Variants in EIF2AK2 observed in about 807,000 individuals in gnomAD.
The protein encoded by EIF2AK2 is eukaryotic translation initiation factor 2 alpha kinase 2, also known as interferon-induced, double-stranded RNA-activated protein kinase.
EIF2AK2 carries 40 observed loss-of-function variants against 70.5 expected under a neutral mutation model. The ratio of observed to expected loss-of-function variants is 0.57; its 90% CI spans 0.44 to 0.74. The LOEUF (loss-of-function observed/expected upper bound fraction) is 0.74, where lower values mean the gene tolerates loss of function less well. Among genes scored for constraint, EIF2AK2 ranks in the 30% least tolerant of loss-of-function variants. The pLI, the probability that EIF2AK2 is intolerant of heterozygous loss-of-function variation, is 0.00. For synonymous variants in EIF2AK2, 198 were observed against 220.9 expected (o/e 0.90, Z 0.92); for missense variants, 555 against 644.3 (o/e 0.86, Z 1.50).
At chr2:37,112,589 C>T (rs1164164021) in intron 14 of EIF2AK2, among the ~76,000 whole-genome samples, 1 of 152,114 alleles carries the variant, frequency 6.6e-6, no homozygotes, top group African/African-American at 2.4e-5. Flanking sequence ...GTGGCAGGTC[C>T]TGCTGTTCAA....
At chr2:37,151,560 T>C (rs900602628) in intron 1 of EIF2AK2, among the ~76,000 whole-genome samples, 3 of 152,160 alleles carry the variant, frequency 2.0e-5, no homozygotes, top group Non-Finnish European at 4.4e-5. Flanking sequence ...CTTTGAATTA[T>C]CATAAAACTC....
intron 13 of EIF2AK2, among the ~76,000 whole-genome samples, chr2:37,115,416 C>T (rs1004332167): frequency 6.6e-6 from 1 of 151,524 alleles, no homozygotes; most frequent in African/African-American, 2.4e-5. Flanking sequence ...CAGCTGCCCT[C>T]GAATATCTGA....
At chr2:37,117,703 G>A (rs1208995038) in intron 13 of EIF2AK2, among the ~76,000 whole-genome samples, 2 of 152,198 alleles carry the variant, frequency 1.3e-5, no homozygotes, top group African/African-American at 4.8e-5. Flanking sequence ...CTGGGCTTTA[G>A]GAGACTGAAC....
In EIF2AK2 at chr2:37,133,150, G is replaced by A. The variant is rs565207798; in HGVS notation, c.785+2334C>T. Reference sequence around the variant, plus strand: ...ATGAATGGCATTCTAAAAATCACCCGCACCAGGTACTCACTCCAAACACAT... The same window carrying A: ...ATGAATGGCATTCTAAAAATCACCCACACCAGGTACTCACTCCAAACACAT... On this transcript the variant is annotated intron_variant, in intron 10 of 16. Transcript: ENST00000233057. Among the ~76,000 whole-genome samples, 15 of 152,126 alleles carry A rather than the reference G, an allele frequency of 9.9e-5. 1 individual carries two copies. The highest frequency in any genetic ancestry group is 5.2e-4 in the Admixed American group (8 of 15,286).
intron 10 of EIF2AK2, among the ~76,000 whole-genome samples, chr2:37,128,302 T>C (rs901540957): frequency 2.0e-5 from 3 of 152,260 alleles, no homozygotes; most frequent in Non-Finnish European, 2.9e-5. Context: ...GTAGACTTTT[T>C]TTCAAGTGAA....
chr2:37,100,743 C>T lies in EIF2AK2; in HGVS notation c.*6530G>A, dbSNP rs996004040. The T allele has an allele frequency of 2.0e-5, 3 of 152,196 alleles. No individual in the cohort carries two copies. Among genetic ancestry groups the T allele is most frequent in the Non-Finnish European group, 4.4e-5 (3 of 68,052 alleles). The allele number at this position is 152,196 out of a possible 1,614,324, so 9.4% of individuals were successfully genotyped here. On this transcript the variant is annotated 3_prime_UTR_variant, in exon 17 of 17. Transcript: ENST00000233057. ...CTACAGTCTCCTCCTATCTTCAGTG[C>T]AGTGTTCTGGCAGCACCTCAAGCTC...
At chr2:37,155,145 C>T (rs571622393) in intron 1 of EIF2AK2, among the ~76,000 whole-genome samples, 31 of 152,220 alleles carry the variant, frequency 2.0e-4, no homozygotes, top group African/African-American at 7.0e-4. Context: ...GAACTCCCAA[C>T]TGCCTCTGTC....
intron 1 of EIF2AK2, among the ~76,000 whole-genome samples, chr2:37,154,157 T>A (rs1675840032): frequency 6.6e-6 from 1 of 151,864 alleles, no homozygotes; most frequent in Non-Finnish European, 1.5e-5. Flanking sequence ...AGAAACCCCA[T>A]CTCTACTAAA....
chr2:37,116,529 C>A (rs920584369), intron 13 of EIF2AK2, among the ~76,000 whole-genome samples: 3 of 152,162 alleles, frequency 2.0e-5, no homozygotes, highest in African/African-American at 7.2e-5. Context: ...AGAGGGCCTA[C>A]CTAGTAAGGA....
chr2:37,139,865 T>C (rs1277376558), intron 5 of EIF2AK2, 108 bp from the exon 6 acceptor site: 2 of 1,130,068 alleles, frequency 1.8e-6, no homozygotes, highest in East Asian at 2.5e-5. Context: ...ATAACACCAA[T>C]TTATTAGATA....
At chr2:37,140,398 A>AC (rs1232675949) in intron 5 of EIF2AK2, among the ~76,000 whole-genome samples, 1 of 152,238 alleles carries the variant, frequency 6.6e-6, no homozygotes, top group Non-Finnish European at 1.5e-5. Flanking sequence ...AAAACAATGG[A>AC]CATGGCAATT....
intron 12 of EIF2AK2, among the ~76,000 whole-genome samples, chr2:37,120,483 G>GGT (rs1408291473): frequency 1.7e-5 from 2 of 118,800 alleles, no homozygotes; most frequent in Non-Finnish European, 3.2e-5. Context: ...CTCCAGCCTG[G>GGT]GTGACAGAGC....
In EIF2AK2 at chr2:37,118,140, C is replaced by T. The variant is rs138826008; in HGVS notation, c.1248+1819G>A. Among the ~76,000 whole-genome samples the T allele has an allele frequency of 4.0e-3, 602 of 150,696 alleles. 4 individuals are homozygous for T. The highest frequency in any genetic ancestry group is 7.3e-3 in the Non-Finnish European group (494 of 67,608). On this transcript the variant is annotated intron_variant, in intron 13 of 16. Transcript: ENST00000233057. ...CCTCGGAAACATGGTGAGACCCTGT[C>T]TCTACAAAAAAAAAACACACAAAAA...
At chr2:37,143,814 G>A (rs2148707859) in intron 4 of EIF2AK2, among the ~76,000 whole-genome samples, 1 of 152,132 alleles carries the variant, frequency 6.6e-6, no homozygotes, top group African/African-American at 2.4e-5. Flanking sequence ...AGCCTGGGGA[G>A]ATTGAGGCTG....
intron 1 of EIF2AK2, among the ~76,000 whole-genome samples, chr2:37,151,199 T>C (rs971531926): frequency 2.6e-5 from 4 of 152,146 alleles, no homozygotes; most frequent in Non-Finnish European, 5.9e-5. Flanking sequence ...ATATATCTGA[T>C]GAGGGTCTAG....
At position 37,106,313 on chromosome 2, in the gene EIF2AK2, C is replaced by T. The variant is rs547651914; in HGVS notation, c.*960G>A. On this transcript the variant is annotated 3_prime_UTR_variant, in exon 17 of 17. Coordinates refer to ENST00000233057, the MANE Select transcript of EIF2AK2 (RefSeq NM_001135651.3). ...TGTTTCTGAGAGTTGTATTGTGTTA[C>T]GTTATTACATTTAGCTGTACTTCAA... The T allele has an allele frequency of 7.2e-5, 11 of 152,232 alleles. No individual in the cohort carries two copies. Among genetic ancestry groups the T allele is most frequent in the Admixed American group, 2.0e-4 (3 of 15,290 alleles). 9.4% of individuals were successfully genotyped at this position (152,232 alleles called of 1,614,324 possible). A position where few individuals can be genotyped will look rare whatever the true frequency, so the allele number is the denominator to read the frequency against.
rs1460976922 is a variant in EIF2AK2 at position 37,121,152 on chromosome 2, A to G, written c.1068-1013T>C. Among the ~76,000 whole-genome samples the G allele has an allele frequency of 2.0e-5, 3 of 147,432 alleles. 1 individual carries two copies. In the Admixed American group the frequency reaches 2.1e-4, roughly 10 times the overall value. On this transcript the variant is annotated intron_variant, in intron 12 of 16. Coordinates refer to ENST00000233057, the MANE Select transcript of EIF2AK2 (RefSeq NM_001135651.3). ...GTGGCGGGCGCCTGTAGTCCCAGCT[A>G]CTCAGGAGACTGAGGCAGGAGAATA...
intron 14 of EIF2AK2, among the ~76,000 whole-genome samples, chr2:37,110,401 A>T (rs1306965050): frequency 1.1e-4 from 17 of 151,978 alleles, no homozygotes; most frequent in Admixed American, 8.5e-4. Context: ...CAGCCAACAA[A>T]AGGTTTTTAA....
In EIF2AK2 at chr2:37,135,508, T is replaced by C; in HGVS notation, c.761A>G (p.Glu254Gly). The change falls in exon 10 of 17, where the codon GAA becomes GGA. Residue 254 changes from glutamate to glycine, a missense_variant. Physicochemically the swap from Glu to Gly is moderately conservative, Grantham distance 98. Coordinates refer to ENST00000233057, the MANE Select transcript of EIF2AK2 (RefSeq NM_001135651.3). Reference sequence around the variant, plus strand: ...CCTCTTGTCCACAGTATACTTTGTTTCTTTCATGTCAGGAAGGTCAAATCT... The same window carrying C: ...CCTCTTGTCCACAGTATACTTTGTTCCTTTCATGTCAGGAAGGTCAAATCT... ...APRFDLPDMK[E>G]TKYTVDKRFG... is the part of the protein sequence containing the mutation. 6.2e-7 allele frequency: 1 copy of C among 1,610,744 alleles called. No individual in the cohort carries two copies. Among genetic ancestry groups the C allele is most frequent in the Non-Finnish European group, 8.5e-7 (1 of 1,178,482 alleles).
Sources: gnomAD v4.1 joint callset for allele counts (sites outside exome capture counted in the v4.1 genomes callset) on GRCh38, gnomAD v4.1.1 for gene constraint, MANE v1.5 for transcripts, NCBI Gene and HGNC (gene_info 2026-07-23, HGNC 2026-07-21) for gene names.